The following KRABD3 variants were observed in gnomAD, a reference collection of about 807,000 sequenced individuals.
KRABD3 encodes KRAB domain-containing protein 3.
At chr7:149,714,984 C>G in the KRABD3 span, 1 of 1,192,484 alleles carries the variant, frequency 8.4e-7, no homozygotes, top group Non-Finnish European at 1.0e-6. Flanking sequence ...CCGCCGCCGA[C>G]GAGGGTCGCG....
the KRABD3 span, chr7:149,724,673 C>T: frequency 4.5e-6 from 7 of 1,544,534 alleles, no homozygotes; most frequent in Non-Finnish European, 5.2e-6. Flanking sequence ...CTCCTGACCC[C>T]TCCTCCCCAT....
chr7:149,716,746 G>A, the KRABD3 span, among the ~76,000 whole-genome samples: 2 of 152,182 alleles, frequency 1.3e-5, no homozygotes, highest in Non-Finnish European at 2.9e-5. Flanking sequence ...AGCAGTATGT[G>A]GAAGAGCTCA....
At chr7:149,726,086 G>A in the KRABD3 span, 3 of 1,590,012 alleles carry the variant, frequency 1.9e-6, no homozygotes, top group Non-Finnish European at 2.6e-6. Flanking sequence ...CCGAGGCTGG[G>A]GTTCATCCTG....
At chr7:149,731,093 A>C in the KRABD3 span, among the ~76,000 whole-genome samples, 2 of 152,006 alleles carry the variant, frequency 1.3e-5, no homozygotes, top group African/African-American at 4.8e-5. Context: ...GAGAAAAGAG[A>C]GTTTAGAGAG....
At chr7:149,734,222 G>A in the KRABD3 span, 2 of 837,394 alleles carry the variant, frequency 2.4e-6, no homozygotes, top group Non-Finnish European at 3.6e-6. Flanking sequence ...TGTTTGCTCA[G>A]GAGGCTGCTG....
At chr7:149,733,212 C>G in the KRABD3 span, 1 of 1,602,060 alleles carries the variant, frequency 6.2e-7, no homozygotes, top group Middle Eastern at 1.7e-4. Flanking sequence ...TTAGCCAAGA[C>G]CCATGAGAGG....
the KRABD3 span, chr7:149,724,025 G>C: frequency 7.7e-6 from 7 of 907,006 alleles, no homozygotes; most frequent in Non-Finnish European, 1.2e-5. Flanking sequence ...CCGGATGCGG[G>C]GGATCCCCAC....
At chr7:149,721,544 G>T in the KRABD3 span, 1 of 1,610,178 alleles carries the variant, frequency 6.2e-7, no homozygotes, top group African/African-American at 1.3e-5. Context: ...CAGTGAGTCT[G>T]ACACAGCAGG....
the KRABD3 span, among the ~76,000 whole-genome samples, chr7:149,731,483 CCACA>C: frequency 6.6e-6 from 1 of 152,202 alleles, no homozygotes. Flanking sequence ...GGCAGGAACA[CCACA>C]CACACACGCA....
chr7:149,722,345 T>C, the KRABD3 span: 1 of 1,552,570 alleles, frequency 6.4e-7, no homozygotes, highest in Non-Finnish European at 8.7e-7. Flanking sequence ...CTGTCCTCTA[T>C]GGGAACCAGA....
At chr7:149,733,481 CA>C in the KRABD3 span, 3 of 1,580,982 alleles carry the variant, frequency 1.9e-6, no homozygotes, top group East Asian at 4.7e-5. Flanking sequence ...GAGGCGCCCC[CA>C]AGGCCCTGGG....
chr7:149,719,893 G>A, the KRABD3 span: 3 of 1,327,582 alleles, frequency 2.3e-6, no homozygotes, highest in East Asian at 5.1e-5. This position sits in a 1 kb window ranked among gnomAD's most constrained non-coding sequence, Gnocchi z 5.6. Flanking sequence ...GGTTCTTTGA[G>A]TTTAAGTGGT....
the KRABD3 span, among the ~76,000 whole-genome samples, chr7:149,724,049 C>T: frequency 2.0e-5 from 3 of 152,128 alleles, no homozygotes; most frequent in East Asian, 1.9e-4. Context: ...GTAAGTGGAG[C>T]GAGCTGTGTG....
chr7:149,723,999 C>A, the KRABD3 span: 1 of 1,234,298 alleles, frequency 8.1e-7, no homozygotes, highest in South Asian at 1.5e-5. Context: ...CCATATTGGC[C>A]TGTCGGGAAG....
the KRABD3 span, chr7:149,721,681 C>A: frequency 2.2e-6 from 2 of 914,770 alleles, no homozygotes; most frequent in Non-Finnish European, 3.5e-6. Context: ...CAAAGTACGC[C>A]AGGGAGCAGG....
the KRABD3 span, chr7:149,722,273 C>G: frequency 9.5e-7 from 1 of 1,050,128 alleles, no homozygotes; most frequent in South Asian, 1.6e-5. Flanking sequence ...CCAGTTAAAC[C>G]AGAAAGAAAC....
the KRABD3 span, among the ~76,000 whole-genome samples, chr7:149,726,991 C>T: frequency 6.6e-6 from 1 of 152,154 alleles, no homozygotes; most frequent in Non-Finnish European, 1.5e-5. Flanking sequence ...TCAAACTGAC[C>T]CCCAACTTAG....
chr7:149,714,967 A>G, the KRABD3 span: 1 of 1,108,892 alleles, frequency 9.0e-7, no homozygotes, highest in Middle Eastern at 3.5e-4. Flanking sequence ...TCCTGCGCGG[A>G]CCTGGGCCGC....
chr7:149,733,544 G>T, the KRABD3 span: 3 of 1,599,048 alleles, frequency 1.9e-6, no homozygotes, highest in Non-Finnish European at 2.6e-6. Context: ...ACCTCGCTGG[G>T]CTCATGGCCC....
Sources: gnomAD v4.1 joint callset for allele counts (sites outside exome capture counted in the v4.1 genomes callset) on GRCh38, gnomAD v4.1.1 for gene constraint, Gnocchi (gnomAD v3.1) non-coding constraint, MANE v1.5 for transcripts, NCBI Gene and HGNC (gene_info 2026-07-23, HGNC 2026-07-21) for gene names.